The following LARP1 variants were observed in gnomAD, a reference collection of about 807,000 sequenced individuals.
LARP1 encodes La ribonucleoprotein 1, translational regulator, also known as la-related protein 1.
In LARP1, 36 loss-of-function variants were observed where a neutral mutation model predicts 122.7. The observed-to-expected ratio is 0.29, with a 90% CI of 0.22 to 0.39. LARP1 has a LOEUF of 0.39. Ranked by LOEUF, LARP1 falls within the 10% of genes least tolerant of loss-of-function variation. LARP1 has a pLI of 1.00. For missense variants in LARP1, 1,040 were observed against 1,403.6 expected, an observed-to-expected ratio of 0.74 and a Z score of 4.14; for synonymous variants, 539 against 528.7, an observed-to-expected ratio of 1.02 and a Z score of -0.27.
At position 154,802,550 on chromosome 5, in the gene LARP1, T is replaced by C; in HGVS notation, c.2109+151T>C. 1.0e-6 allele frequency: 1 copy of C among 969,798 alleles called. No individual in the cohort carries two copies. The highest frequency in any genetic ancestry group is 1.5e-6 in the Non-Finnish European group (1 of 681,916). The allele number at this position is 969,798 out of a possible 1,614,324, so 60.1% of individuals were successfully genotyped here. On this transcript the variant is annotated intron_variant, in intron 11 of 18. Transcript: ENST00000518297. The surrounding 1 kb of genome is among the most constrained non-coding windows in gnomAD (Gnocchi z 5.1). ...TATGGGAAGGGGATGATGACTGACA[T>C]CTAGCTTGGGCATTAGGAGTGAGGG...
intron 1 of LARP1, among the ~76,000 whole-genome samples, chr5:154,690,539 G>C (rs895901900): frequency 3.3e-5 from 5 of 152,184 alleles, no homozygotes; most frequent in African/African-American, 1.2e-4. Flanking sequence ...TCTCAGGGTC[G>C]CACAGCTAGT....
At chr5:154,698,096 C>T (rs62380525) in intron 1 of LARP1, among the ~76,000 whole-genome samples, 4,513 of 152,048 alleles carry the variant, frequency 0.03, 84 homozygotes, top group African/African-American at 0.05. Flanking sequence ...TTTAGCAAGT[C>T]GTACACTTTG....
rs143020903 is a variant in LARP1, at chr5:154,803,697, A to G, written c.2391A>G (p.Thr797=). The change falls in exon 13 of 19, where the codon ACA becomes ACG. Residue 797 remains threonine, a synonymous_variant. Coordinates refer to ENST00000518297, the MANE Select transcript of LARP1 (RefSeq NM_033551.3). The surrounding 1 kb of genome is among the most constrained non-coding windows in gnomAD (Gnocchi z 4.4). ...RTPQLKDSSQ[T]SRFYPVVKEG... ...CACAGCTCAAAGACTCAAGCCAGAC[A>G]TCACGGTTTTACCCAGTGGTGAAAG... 1.2e-6 allele frequency: 2 copies of G among 1,614,072 alleles called. No individual in the cohort carries two copies. Among genetic ancestry groups the G allele is most frequent in the South Asian group, 1.1e-5 (1 of 91,078 alleles).
At chr5:154,800,995 G>A (rs1758302039) in intron 10 of LARP1, among the ~76,000 whole-genome samples, 1 of 152,182 alleles carries the variant, frequency 6.6e-6, no homozygotes, top group African/African-American at 2.4e-5. Context: ...AGTTTTGTTT[G>A]AAACAGGGGT....
At chr5:154,721,334 G>A (rs1205785525) in intron 1 of LARP1, among the ~76,000 whole-genome samples, 4 of 129,652 alleles carry the variant, frequency 3.1e-5, no homozygotes, top group East Asian at 2.2e-4. Flanking sequence ...GCAACAGAGC[G>A]AGACTCCGTC....
intron 1 of LARP1, among the ~76,000 whole-genome samples, chr5:154,722,016 A>G (rs542624807): frequency 1.6e-4 from 24 of 152,292 alleles, no homozygotes; most frequent in African/African-American, 4.6e-4. Context: ...TTCCACTGCT[A>G]TGGCATTATC....
At chr5:154,704,113 C>T (rs1478702086) in intron 1 of LARP1, among the ~76,000 whole-genome samples, 1 of 152,166 alleles carries the variant, frequency 6.6e-6, no homozygotes, top group Non-Finnish European at 1.5e-5. Flanking sequence ...TTATTTAACC[C>T]ATTTCCCATT....
At chr5:154,721,864 C>G (rs1164192066) in intron 1 of LARP1, among the ~76,000 whole-genome samples, 8 of 152,138 alleles carry the variant, frequency 5.3e-5, no homozygotes, top group Admixed American at 5.2e-4. Flanking sequence ...TGCTTTCTCT[C>G]CATACTGACA....
intron 1 of LARP1, among the ~76,000 whole-genome samples, chr5:154,688,842 A>T (rs72797568): frequency 0.021 from 3,265 of 152,150 alleles, 61 homozygotes; most frequent in South Asian, 0.056. Context: ...GAAATAAAAC[A>T]ACATTGGAAG....
intron 8 of LARP1, among the ~76,000 whole-genome samples, chr5:154,797,218 GTTGTTTTTTTT>G (rs1561617918): frequency 1.5e-5 from 1 of 66,202 alleles, no homozygotes; most frequent in Admixed American, 1.6e-4. Flanking sequence ...TTTTGTTGTT[GTTGTTTTTTTT>G]TTTTTTTTTT....
chr5:154,781,614 C>T (rs1476579660), intron 1 of LARP1, among the ~76,000 whole-genome samples: 2 of 151,506 alleles, frequency 1.3e-5, no homozygotes, highest in Admixed American at 6.6e-5. Flanking sequence ...AAAAAAAAAA[C>T]GGAAAAATAA....
chr5:154,797,778 G>T (rs921194196), intron 8 of LARP1, among the ~76,000 whole-genome samples: 1 of 148,602 alleles, frequency 6.7e-6, no homozygotes, highest in Non-Finnish European at 1.5e-5. Context: ...AGCCTCAACC[G>T]CCTGAAATCA....
At chr5:154,778,387 A>G (rs990433745) in intron 1 of LARP1, among the ~76,000 whole-genome samples, 1 of 152,244 alleles carries the variant, frequency 6.6e-6, no homozygotes, top group African/African-American at 2.4e-5. Flanking sequence ...TTAAGTATGT[A>G]CAGAGAAAAC....
chr5:154,701,129 T>G (rs2113246803), intron 1 of LARP1, among the ~76,000 whole-genome samples: 1 of 152,194 alleles, frequency 6.6e-6, no homozygotes, highest in African/African-American at 2.4e-5. Context: ...TTTTCTTTTG[T>G]TTTTTGTTTG....
At chr5:154,784,961 T>G (rs1756765911) in intron 1 of LARP1, among the ~76,000 whole-genome samples, 1 of 152,238 alleles carries the variant, frequency 6.6e-6, no homozygotes, top group Non-Finnish European at 1.5e-5. Flanking sequence ...CCTGTTTTCC[T>G]TTTCTGTTCT....
At chr5:154,688,783 A>C (rs1582137866) in intron 1 of LARP1, among the ~76,000 whole-genome samples, 1 of 152,074 alleles carries the variant, frequency 6.6e-6, no homozygotes, top group African/African-American at 2.4e-5. Context: ...CCATGAATGC[A>C]TCACTTCATT....
rs113245853 is a variant in LARP1 at position 154,770,232 on chromosome 5, A to AT, written c.436+14055dup. 5.7e-3 allele frequency among the ~76,000 whole-genome samples: 805 copies of AT among 141,236 alleles called. 2 individuals are homozygous for AT. Among genetic ancestry groups the AT allele is most frequent in the Middle Eastern group, 0.022 (6 of 268 alleles). 92.7% of individuals were successfully genotyped at this position (141,236 alleles called of 152,430 possible). The stretch of plus-strand genomic sequence containing the variant: ...ATGATGGCATAGTGACTTGGGCCTG[A>AT]TTTTTTTTTTTTTTTTAACTAGCTG... On this transcript the variant is annotated intron_variant, in intron 1 of 18. Coordinates refer to ENST00000518297, the MANE Select transcript of LARP1 (RefSeq NM_033551.3).
chr5:154,747,659 C>T lies in LARP1; in HGVS notation c.205+34529C>T, dbSNP rs906328158. ...TTGCGGCAGTGAGCCGAGATTGTGC[C>T]ATTGCACTCCAGCCTGGGCAACAAA... On this transcript the variant is annotated intron_variant, in intron 1 of 18. Coordinates refer to the LARP1 transcript ENST00000336314. Among the ~76,000 whole-genome samples, 83 of 151,918 alleles carry T rather than the reference C, an allele frequency of 5.5e-4. 1 individual carries two copies. Among genetic ancestry groups the T allele is most frequent in the Non-Finnish European group, 2.1e-4 (14 of 68,002 alleles).
At position 154,750,246 on chromosome 5, in the gene LARP1, T is replaced by C. The variant is rs899442468; in HGVS notation, c.205+37116T>C. Among the ~76,000 whole-genome samples, 3 of 152,200 alleles carry C rather than the reference T, an allele frequency of 2.0e-5. No individual in the cohort carries two copies. In the South Asian group the frequency reaches 6.2e-4, roughly 31 times the overall value. On this transcript the variant is annotated intron_variant, in intron 1 of 18. Coordinates refer to the LARP1 transcript ENST00000336314. Reference sequence around the variant, plus strand: ...CTCTATTCCCCAGGCTGGGGTGCAGTGGTGCAATCATGGCTCACTGCAGTC... The same window carrying C: ...CTCTATTCCCCAGGCTGGGGTGCAGCGGTGCAATCATGGCTCACTGCAGTC...
Sources: allele counts gnomAD v4.1 joint callset (sites outside exome capture counted in the v4.1 genomes callset), GRCh38; gene constraint gnomAD v4.1.1; non-coding constraint Gnocchi (gnomAD v3.1); transcripts MANE v1.5; gene names NCBI Gene and HGNC (gene_info 2026-07-23, HGNC 2026-07-21).